DDHD1: variants seen among roughly 807,000 people sequenced by gnomAD.
DDHD1 encodes phospholipase DDHD1.
DDHD1 carries 49 observed loss-of-function variants against 96.4 expected under a neutral mutation model. That is an observed-to-expected ratio of 0.51 (90% CI 0.40 to 0.64). The LOEUF (loss-of-function observed/expected upper bound fraction) is 0.64. Ranked by LOEUF, DDHD1 falls within the 30% of genes least tolerant of loss-of-function variation. The pLI is 0.00. For synonymous variants in DDHD1, 442 were observed against 446.5 expected (o/e 0.99, Z 0.13); for missense variants, 1,106 against 1,161.2 (o/e 0.95, Z 0.69).
intron 2 of DDHD1, among the ~76,000 whole-genome samples, chr14:53,102,641 A>T (rs4898781): frequency 0.75 from 113,323 of 151,954 alleles, 44,502 homozygotes; most frequent in East Asian, 0.96. Context: ...TGACAAATGT[A>T]TACATATGTT....
chr14:53,057,430 C>T (rs557115594), intron 9 of DDHD1, among the ~76,000 whole-genome samples: 70 of 152,098 alleles, frequency 4.6e-4, no homozygotes, highest in African/African-American at 1.7e-3. Flanking sequence ...ACAGCATAAA[C>T]ATAATAGAGA....
chr14:53,112,335 T>C (rs943999263), intron 1 of DDHD1, among the ~76,000 whole-genome samples: 5 of 151,788 alleles, frequency 3.3e-5, no homozygotes, highest in African/African-American at 7.3e-5. Context: ...AAGAATCGCT[T>C]GAACCCAGAA....
At chr14:53,073,910 TTA>T in intron 4 of DDHD1, 63 bp from the exon 5 acceptor site, 4 of 1,414,956 alleles carry the variant, frequency 2.8e-6, no homozygotes, top group Non-Finnish European at 3.9e-6. Context: ...ACATATAAAT[TTA>T]TATGAGATAA....
intron 12 of DDHD1, among the ~76,000 whole-genome samples, chr14:53,050,669 T>A (rs114364824): frequency 0.015 from 2,219 of 152,226 alleles, 56 homozygotes; most frequent in African/African-American, 0.051. Context: ...TCATCTTATC[T>A]TTTCTAGTGA....
intron 7 of DDHD1, among the ~76,000 whole-genome samples, chr14:53,061,836 C>G (rs903116834): frequency 2.6e-5 from 4 of 151,994 alleles, no homozygotes; most frequent in African/African-American, 9.7e-5. Context: ...GAGTTCAAGA[C>G]CAGCCTGGCC....
intron 8 of DDHD1, among the ~76,000 whole-genome samples, chr14:53,060,749 T>C (rs1393573201): frequency 8.5e-5 from 13 of 152,210 alleles, no homozygotes; most frequent in Non-Finnish European, 2.9e-5. Context: ...GTTTATGCCA[T>C]TCCTCTTAAA....
At chr14:53,125,283 T>A (rs1889339514) in intron 1 of DDHD1, among the ~76,000 whole-genome samples, 1 of 152,186 alleles carries the variant, frequency 6.6e-6, no homozygotes, top group Non-Finnish European at 1.5e-5. Context: ...TTATATCAAC[T>A]CTTCCAAGTT....
At chr14:53,087,926 A>G (rs1278391665) in intron 4 of DDHD1, among the ~76,000 whole-genome samples, 2 of 152,226 alleles carry the variant, frequency 1.3e-5, no homozygotes, top group Non-Finnish European at 2.9e-5. Context: ...CAAGACTAAC[A>G]AAGAAGAAAA....
rs1385518759 is a variant in DDHD1, at chr14:53,065,323, TTCTAG to T, written c.1504-2123_1504-2119del. ...TAATGAGAAAATGTAATTGAGAGAG[TTCTAG>T]TCATCTATATCAATTAAATAATTCA... On this transcript the variant is annotated intron_variant, in intron 6 of 12. Transcript: ENST00000673822. Among the ~76,000 whole-genome samples, 3 of 152,238 alleles carry T rather than the reference TTCTAG, an allele frequency of 2.0e-5. No individual in the cohort carries two copies. The East Asian group carries it at 5.8e-4, about 29-fold the overall frequency.
intron 1 of DDHD1, among the ~76,000 whole-genome samples, chr14:53,139,386 A>G (rs1890475001): frequency 6.6e-6 from 1 of 152,190 alleles, no homozygotes; most frequent in South Asian, 2.1e-4. Context: ...GAAAGGGAAA[A>G]CCTGAAGCTA....
At chr14:53,109,576 T>C (rs1204152972) in intron 1 of DDHD1, among the ~76,000 whole-genome samples, 1 of 152,144 alleles carries the variant, frequency 6.6e-6, no homozygotes, top group Non-Finnish European at 1.5e-5. Context: ...ATGGTTTCTG[T>C]GTATATATAT....
chr14:53,043,248 G>T lies in DDHD1; in HGVS notation c.*3520C>A, dbSNP rs1381044184. 2 of 152,162 alleles carry T rather than the reference G, an allele frequency of 1.3e-5. No individual in the cohort carries two copies. Among genetic ancestry groups the T allele is most frequent in the African/African-American group, 4.8e-5 (2 of 41,448 alleles). The allele number at this position is 152,162 out of a possible 1,614,324, so 9.4% of individuals were successfully genotyped here. A position where few individuals can be genotyped will look rare whatever the true frequency, so the allele number is the denominator to read the frequency against. Reference sequence around the variant, plus strand: ...ACTAAGGATGAATGTTTACATGTCTGAGGCCTTTAGCGTGAGTATTCAGCA... The same window carrying T: ...ACTAAGGATGAATGTTTACATGTCTTAGGCCTTTAGCGTGAGTATTCAGCA... On this transcript the variant is annotated 3_prime_UTR_variant, in exon 13 of 13. Transcript: ENST00000673822.
intron 1 of DDHD1, among the ~76,000 whole-genome samples, chr14:53,135,238 C>T (rs1890146285): frequency 1.3e-5 from 2 of 152,186 alleles, no homozygotes; most frequent in South Asian, 4.1e-4. Context: ...CCATTGTGAT[C>T]TTTTCCTGCC....
intron 2 of DDHD1, among the ~76,000 whole-genome samples, chr14:53,095,024 C>G (rs1349913348): frequency 6.6e-6 from 1 of 152,132 alleles, no homozygotes; most frequent in Non-Finnish European, 1.5e-5. Flanking sequence ...AATGTCCTAT[C>G]ACAGTGTCTG....
rs1881618787 is a variant in DDHD1 at position 53,041,188 on chromosome 14, C to T, written c.*5580G>A. 2 of 152,094 alleles carry T rather than the reference C, an allele frequency of 1.3e-5. No homozygotes were observed. Among genetic ancestry groups the T allele is most frequent in the Admixed American group, 1.3e-4 (2 of 15,254 alleles). The allele number at this position is 152,094 out of a possible 1,614,324, so 9.4% of individuals were successfully genotyped here. On this transcript the variant is annotated 3_prime_UTR_variant, in exon 13 of 13. Coordinates refer to ENST00000673822, the MANE Select transcript of DDHD1 (RefSeq NM_001160148.2). ...ACTCCAACAGAAGACCAGATGTAATCTTCCTAAAGAATATTCCCCAACATA... is the reference window on the plus strand; with the variant it reads ...ACTCCAACAGAAGACCAGATGTAATTTTCCTAAAGAATATTCCCCAACATA...
intron 9 of DDHD1, among the ~76,000 whole-genome samples, chr14:53,057,288 A>C: frequency 6.6e-6 from 1 of 152,192 alleles, no homozygotes. Context: ...AAATAGTTTA[A>C]TATTTAGTTA....
intron 1 of DDHD1, among the ~76,000 whole-genome samples, chr14:53,111,969 CTTAAT>C (rs1488403492): frequency 6.6e-6 from 1 of 152,068 alleles, no homozygotes; most frequent in Non-Finnish European, 1.5e-5. Flanking sequence ...AAGGCATTAC[CTTAAT>C]TTATTATGAA....
At chr14:53,109,831 A>G (rs1162883409) in intron 1 of DDHD1, among the ~76,000 whole-genome samples, 1 of 152,222 alleles carries the variant, frequency 6.6e-6, no homozygotes, top group Non-Finnish European at 1.5e-5. Context: ...GATTCCAACC[A>G]AAGTTTGAGT....
chr14:53,147,900 A>G (rs1285893101), intron 1 of DDHD1, among the ~76,000 whole-genome samples: 4 of 152,192 alleles, frequency 2.6e-5, no homozygotes, highest in East Asian at 1.9e-4. Flanking sequence ...TTATTTTCCC[A>G]TGATGCCCTG....
Sources: gnomAD v4.1 joint callset for allele counts (sites outside exome capture counted in the v4.1 genomes callset) on GRCh38, gnomAD v4.1.1 for gene constraint, MANE v1.5 for transcripts, NCBI Gene and HGNC (gene_info 2026-07-23, HGNC 2026-07-21) for gene names.